Variants in OSBP observed in about 807,000 individuals in gnomAD.
OSBP encodes oxysterol-binding protein 1.
OSBP carries 32 observed loss-of-function variants against 96.6 expected under a neutral mutation model. That is an observed-to-expected ratio of 0.33 (90% confidence interval 0.25 to 0.45). OSBP has a LOEUF of 0.45. Ranked by LOEUF, OSBP falls within the 20% of genes least tolerant of loss-of-function variation. The pLI is 1.00. For synonymous variants in OSBP, 369 were observed against 389.6 expected, an observed-to-expected ratio of 0.95 and a Z score of 0.62; for missense variants, 653 against 1,029.7, an observed-to-expected ratio of 0.63 and a Z score of 5.01.
intron 9 of OSBP, among the ~76,000 whole-genome samples, chr11:59,587,687 G>T (rs1316517361): frequency 6.6e-6 from 1 of 152,078 alleles, no homozygotes. Context: ...AAAAGTGTTG[G>T]CAAGGATATG....
At chr11:59,583,634 GTT>G (rs764596509) in intron 9 of OSBP, among the ~76,000 whole-genome samples, 407 of 64,220 alleles carry the variant, frequency 6.3e-3, no homozygotes, top group African/African-American at 0.025. Context: ...CTAAATCTCT[GTT>G]TTTTTTTTTT....
intron 7 of OSBP, among the ~76,000 whole-genome samples, chr11:59,598,430 C>A (rs1283775798): frequency 6.6e-6 from 1 of 152,206 alleles, no homozygotes; most frequent in African/African-American, 2.4e-5. Flanking sequence ...ATCCATTCTT[C>A]CATTCTTCTA....
At chr11:59,581,896 T>C (rs908292733) in intron 9 of OSBP, among the ~76,000 whole-genome samples, 1 of 152,246 alleles carries the variant, frequency 6.6e-6, no homozygotes, top group East Asian at 1.9e-4. Context: ...AACTGCATTA[T>C]GGAAGGAGCA....
chr11:59,590,115 A>T (rs1860559234), intron 9 of OSBP, among the ~76,000 whole-genome samples: 1 of 152,204 alleles, frequency 6.6e-6, no homozygotes, highest in African/African-American at 2.4e-5. Context: ...TTTTATAGGG[A>T]GACTCACTCA....
chr11:59,599,975 C>T (rs4938923), intron 7 of OSBP, among the ~76,000 whole-genome samples: 135,068 of 152,204 alleles, frequency 0.89, 60,116 homozygotes, highest in East Asian at 0.95. Context: ...AAAAATCACT[C>T]TGACAACAGT....
chr11:59,600,206 GAA>G (rs1203526860), intron 7 of OSBP, among the ~76,000 whole-genome samples: 1 of 152,176 alleles, frequency 6.6e-6, no homozygotes, highest in Admixed American at 6.5e-5. Context: ...CTTGAAAACA[GAA>G]ACTATGATGT....
At chr11:59,593,329 C>A in intron 9 of OSBP, among the ~76,000 whole-genome samples, 1 of 151,584 alleles carries the variant, frequency 6.6e-6, no homozygotes, top group East Asian at 1.9e-4. Flanking sequence ...TTTTTTAATG[C>A]ATGCTAGAAC....
chr11:59,600,398 A>G, intron 7 of OSBP, 98 bp downstream of exon 7: 1 of 1,296,622 alleles, frequency 7.7e-7, no homozygotes, highest in Non-Finnish European at 1.1e-6. Context: ...CCATGCCACA[A>G]ACTGCCGCAC....
intron 10 of OSBP, among the ~76,000 whole-genome samples, chr11:59,580,781 G>A (rs1860411335): frequency 6.6e-6 from 1 of 151,916 alleles, no homozygotes; most frequent in Non-Finnish European, 1.5e-5. Flanking sequence ...GGCCTCCCAA[G>A]GTGTTGGGAT....
intron 7 of OSBP, among the ~76,000 whole-genome samples, chr11:59,595,775 A>G (rs1860642221): frequency 6.7e-6 from 1 of 149,872 alleles, no homozygotes; most frequent in Non-Finnish European, 1.5e-5. Context: ...CACCATCTCT[A>G]TAAAAAAAAA....
At chr11:59,583,632 CTGTTT>C (rs1382093509) in intron 9 of OSBP, among the ~76,000 whole-genome samples, 8 of 116,518 alleles carry the variant, frequency 6.9e-5, no homozygotes, top group African/African-American at 2.3e-4. Flanking sequence ...TTCTAAATCT[CTGTTT>C]TTTTTTTTTT....
chr11:59,607,162 C>T (rs1565120841), intron 3 of OSBP, among the ~76,000 whole-genome samples: 1 of 152,204 alleles, frequency 6.6e-6, no homozygotes, highest in Non-Finnish European at 1.5e-5. Context: ...CATTCACTCT[C>T]AGGAGACCAT....
intron 3 of OSBP, among the ~76,000 whole-genome samples, chr11:59,606,022 G>A (rs1860776100): frequency 6.6e-6 from 1 of 152,156 alleles, no homozygotes; most frequent in Admixed American, 6.6e-5. Flanking sequence ...TCAGAATTTA[G>A]TTGAGGAAAT....
At position 59,615,286 on chromosome 11, in the gene OSBP, G is replaced by T; in HGVS notation, c.362+17C>A. The T allele has an allele frequency of 6.3e-7, 1 of 1,582,336 alleles. No individual in the cohort carries two copies. The highest frequency in any genetic ancestry group is 8.6e-7 in the Non-Finnish European group (1 of 1,158,104). ...TGGGGGAGGCAAGGTGAGCGACAGCGCCCCGGAAGCAGTTACCTGTAGTAG... is the reference window on the plus strand; with the variant it reads ...TGGGGGAGGCAAGGTGAGCGACAGCTCCCCGGAAGCAGTTACCTGTAGTAG... On this transcript the variant is annotated intron_variant, in intron 1 of 13. Transcript: ENST00000263847.
chr11:59,596,662 A>C (rs1860661955), intron 7 of OSBP, among the ~76,000 whole-genome samples: 1 of 151,856 alleles, frequency 6.6e-6, no homozygotes, highest in African/African-American at 2.4e-5. Flanking sequence ...AGATGGGGAG[A>C]AGCAGCAGTA....
chr11:59,612,326 A>T (rs749409201), intron 1 of OSBP, among the ~76,000 whole-genome samples: 1 of 152,140 alleles, frequency 6.6e-6, no homozygotes, highest in Non-Finnish European at 1.5e-5. Context: ...CCCAAGCTTC[A>T]GTTACATTAT....
In OSBP at chr11:59,590,876, T is replaced by C. The variant is rs145797560; in HGVS notation, c.1678+2728A>G. On this transcript the variant is annotated intron_variant, in intron 9 of 13. Transcript: ENST00000263847. Reference sequence around the variant, plus strand: ...TAAATACAGCCATCTCCAGGGCAAATACCTAGAAATTCCATTCTTTAGATT... The same window carrying C: ...TAAATACAGCCATCTCCAGGGCAAACACCTAGAAATTCCATTCTTTAGATT... Among the ~76,000 whole-genome samples the C allele has an allele frequency of 8.7e-3, 1,319 of 152,344 alleles. 10 individuals carry two copies. The highest frequency in any genetic ancestry group is 0.013 in the Non-Finnish European group (871 of 68,034).
chr11:59,582,789 C>T (rs1423924292), intron 9 of OSBP, among the ~76,000 whole-genome samples: 2 of 152,118 alleles, frequency 1.3e-5, no homozygotes, highest in African/African-American at 4.8e-5. Flanking sequence ...TACAGTATTG[C>T]ACTATGAATG....
intron 5 of OSBP, among the ~76,000 whole-genome samples, 168 bp downstream of exon 5, chr11:59,601,115 C>CA (rs11405726): frequency 0.82 from 92,952 of 113,882 alleles, 38,108 homozygotes; most frequent in Middle Eastern, 0.92. Flanking sequence ...GATCTTGAGA[C>CA]AAAAAAAAAA....
Sources: allele counts gnomAD v4.1 joint callset (sites outside exome capture counted in the v4.1 genomes callset), GRCh38; gene constraint gnomAD v4.1.1; transcripts MANE v1.5; gene names NCBI Gene and HGNC (gene_info 2026-07-23, HGNC 2026-07-21).